TBC1D1: variants seen among roughly 807,000 people sequenced by gnomAD.
TBC1D1 encodes TBC1 domain family member 1.
Under a neutral mutation model 125.6 loss-of-function variants are expected in TBC1D1, and 89 were observed. That is an observed-to-expected ratio of 0.71 (90% CI 0.60 to 0.85). TBC1D1 has a LOEUF of 0.85. Ranked by LOEUF, TBC1D1 falls within the 40% of genes least tolerant of loss-of-function variation. The pLI is 0.00. For missense variants in TBC1D1, 1,377 were observed against 1,469.2 expected, an observed-to-expected ratio of 0.94 and a Z score of 1.03; for synonymous variants, 565 against 564.1, an observed-to-expected ratio of 1.00 and a Z score of -0.02.
At chr4:37,892,478 A>G (rs528908394) in intron 1 of TBC1D1, among the ~76,000 whole-genome samples, 1 of 152,300 alleles carries the variant, frequency 6.6e-6, no homozygotes, top group Non-Finnish European at 1.5e-5. Context: ...TTCTAACACT[A>G]TTGAGTGCAA....
At chr4:38,121,294 C>T (rs1273407317) in intron 17 of TBC1D1, among the ~76,000 whole-genome samples, 1 of 152,184 alleles carries the variant, frequency 6.6e-6, no homozygotes, top group Non-Finnish European at 1.5e-5. Context: ...AGATGCAGTG[C>T]AAGCTCACAT....
chr4:37,980,478 ATC>A (rs942429003), intron 2 of TBC1D1, among the ~76,000 whole-genome samples: 2 of 152,212 alleles, frequency 1.3e-5, no homozygotes, highest in Non-Finnish European at 2.9e-5. Context: ...GCCTCCATGT[ATC>A]TGTTAGTCAA....
intron 15 of TBC1D1, chr4:38,111,872 C>T (rs957159098): frequency 3.8e-4 from 362 of 946,856 alleles, no homozygotes; most frequent in Non-Finnish European, 4.3e-4. Flanking sequence ...CCTGCTTAAC[C>T]GCTAATCAGG....
intron 14 of TBC1D1, among the ~76,000 whole-genome samples, chr4:38,096,640 C>T (rs1759396144): frequency 6.6e-6 from 1 of 152,196 alleles, no homozygotes; most frequent in Admixed American, 6.5e-5. Context: ...AGAGAGCGGG[C>T]AGGATTCACT....
At chr4:37,967,215 C>A (rs1183518032) in intron 2 of TBC1D1, among the ~76,000 whole-genome samples, 2 of 152,096 alleles carry the variant, frequency 1.3e-5, no homozygotes, top group Non-Finnish European at 2.9e-5. Flanking sequence ...AAAAAGAGGG[C>A]CGGGCACAGT....
At chr4:38,004,434 G>A (rs1287112741) in intron 2 of TBC1D1, among the ~76,000 whole-genome samples, 2 of 152,124 alleles carry the variant, frequency 1.3e-5, no homozygotes, top group African/African-American at 2.4e-5. Context: ...ATTTATACTC[G>A]TCACACATTT....
intron 1 of TBC1D1, among the ~76,000 whole-genome samples, chr4:37,895,155 C>G (rs1012152683): frequency 6.6e-6 from 1 of 152,214 alleles, no homozygotes; most frequent in Non-Finnish European, 1.5e-5. Context: ...GGTGACCTCA[C>G]TTTTCTGTGC....
chr4:37,892,418 A>T (rs964535830), intron 1 of TBC1D1, among the ~76,000 whole-genome samples: 3 of 138,664 alleles, frequency 2.2e-5, no homozygotes, highest in Non-Finnish European at 4.7e-5. Flanking sequence ...CCCATCTCTT[A>T]AAAAAAAAGA....
intron 2 of TBC1D1, among the ~76,000 whole-genome samples, chr4:37,943,623 C>T (rs1246026463): frequency 1.3e-5 from 2 of 152,170 alleles, no homozygotes; most frequent in Non-Finnish European, 2.9e-5. Flanking sequence ...TCCAGTTAAT[C>T]GAATCAGCTA....
At chr4:38,011,334 CA>C (rs1741436621) in intron 2 of TBC1D1, among the ~76,000 whole-genome samples, 1 of 120,560 alleles carries the variant, frequency 8.3e-6, no homozygotes, top group Admixed American at 9.5e-5. Flanking sequence ...GCCTGGGCAA[CA>C]AGAGCGAAAC....
In TBC1D1 at chr4:38,103,137, A is replaced by G; in HGVS notation, c.2537A>G (p.His846Arg). The stretch of plus-strand genomic sequence containing the variant: ...TTAAAGCAGCTGACTTCCCAGCAGC[A>G]TGCGATTCTTATTGACCTTGGTAAG... Residue 846 changes from histidine to arginine, a missense_variant, in exon 15 of 20, where the codon CAT becomes CGT. By Grantham distance (29) the His-to-Arg change is conservative. Transcript: ENST00000261439. The G allele has an allele frequency of 6.2e-7, 1 of 1,612,064 alleles. No individual in the cohort carries two copies. Among genetic ancestry groups the G allele is most frequent in the Non-Finnish European group, 8.5e-7 (1 of 1,179,400 alleles).
chr4:37,962,365 T>C (rs1231609578), intron 2 of TBC1D1, among the ~76,000 whole-genome samples: 1 of 152,238 alleles, frequency 6.6e-6, no homozygotes, highest in Non-Finnish European at 1.5e-5. Context: ...TCAAGAACCA[T>C]AGGTGTATCC....
intron 2 of TBC1D1, among the ~76,000 whole-genome samples, chr4:37,959,851 G>A (rs1467506292): frequency 6.6e-6 from 1 of 152,134 alleles, no homozygotes; most frequent in African/African-American, 2.4e-5. Context: ...CTCAGAGAGG[G>A]CCTCTCGGCT....
At chr4:38,089,849 A>C in intron 12 of TBC1D1, 83 bp from the exon 15 acceptor site, 2 of 1,341,616 alleles carry the variant, frequency 1.5e-6, no homozygotes, top group Non-Finnish European at 2.0e-6. Flanking sequence ...CTGAATGAAC[A>C]GAATTTGCTG....
intron 10 of TBC1D1, among the ~76,000 whole-genome samples, chr4:38,049,393 G>C (rs1351014083): frequency 6.6e-6 from 1 of 152,130 alleles, no homozygotes; most frequent in Non-Finnish European, 1.5e-5. Flanking sequence ...TCCTGCACTT[G>C]GCCAGTCTCC....
intron 10 of TBC1D1, among the ~76,000 whole-genome samples, chr4:38,049,333 T>A (rs1750048587): frequency 6.6e-6 from 1 of 152,206 alleles, no homozygotes; most frequent in Non-Finnish European, 1.5e-5. Context: ...GAGAGGGCAC[T>A]ATTCATGGCG....
chr4:37,956,470 CA>C, intron 2 of TBC1D1, among the ~76,000 whole-genome samples: 1 of 152,306 alleles, frequency 6.6e-6, no homozygotes, highest in African/African-American at 2.4e-5. Context: ...ACCTGGCCCC[CA>C]GTAGGTGCTC....
intron 17 of TBC1D1, among the ~76,000 whole-genome samples, chr4:38,123,774 G>T (rs1331789269): frequency 6.6e-6 from 1 of 152,232 alleles, no homozygotes; most frequent in African/African-American, 2.4e-5. Context: ...TAAGGGTTTT[G>T]TGGTGGTTAC....
intron 15 of TBC1D1, among the ~76,000 whole-genome samples, chr4:38,107,601 T>TTG (rs61499918): frequency 1.4e-4 from 18 of 131,932 alleles, no homozygotes; most frequent in East Asian, 6.6e-4. Context: ...TTTTTTTTTT[T>TTG]GGCAATGTGT....
Sources: allele counts gnomAD v4.1 joint callset (sites outside exome capture counted in the v4.1 genomes callset), GRCh38; gene constraint gnomAD v4.1.1; transcripts MANE v1.5; gene names NCBI Gene and HGNC (gene_info 2026-07-23, HGNC 2026-07-21).